NOX4: variants seen among roughly 807,000 people sequenced by gnomAD.
NOX4 encodes kidney oxidase-1.
In NOX4, 69 loss-of-function variants were observed where a neutral mutation model predicts 87.6. That is an observed-to-expected ratio of 0.79 (90% CI 0.65 to 0.96). NOX4 has a LOEUF of 0.96. Ranked by LOEUF, NOX4 falls within the 40% of genes least tolerant of loss-of-function variation. NOX4 has a pLI of 0.00. For synonymous variants in NOX4, 275 were observed against 238.2 expected, an observed-to-expected ratio of 1.15 and a Z score of -1.42; for missense variants, 680 against 681.5, an observed-to-expected ratio of 1.00 and a Z score of 0.02.
chr11:89,451,526 A>G (rs183605204), intron 3 of NOX4, among the ~76,000 whole-genome samples: 1 of 152,318 alleles, frequency 6.6e-6, no homozygotes, highest in African/African-American at 2.4e-5. Context: ...GAATCCCTGT[A>G]AGAATTGTCC....
At chr11:89,430,329 A>G in intron 7 of NOX4, among the ~76,000 whole-genome samples, 1 of 152,194 alleles carries the variant, frequency 6.6e-6, no homozygotes, top group East Asian at 1.9e-4. Flanking sequence ...CTCCTATTCA[A>G]CATAGTGTTG....
At chr11:89,548,772 A>G in the NOX4 span, 4 of 152,228 alleles carry the variant, frequency 2.6e-5, no homozygotes, top group East Asian at 7.7e-4. Flanking sequence ...TATTTTATAA[A>G]AAGATAGGTG....
intron 11 of NOX4, among the ~76,000 whole-genome samples, chr11:89,376,762 G>A (rs189927937): frequency 9.8e-4 from 149 of 152,160 alleles, no homozygotes; most frequent in African/African-American, 3.5e-3. Context: ...GGTGCCTGTG[G>A]TCCCAGATAC....
At chr11:89,461,309 T>TA (rs1945451771) in intron 2 of NOX4, among the ~76,000 whole-genome samples, 1 of 150,250 alleles carries the variant, frequency 6.7e-6, no homozygotes, top group African/African-American at 2.4e-5. Context: ...AAAGTATAAT[T>TA]AAAAAAAAGA....
intron 17 of NOX4, among the ~76,000 whole-genome samples, chr11:89,327,303 CAT>C (rs1380168474): frequency 6.6e-6 from 1 of 151,796 alleles, no homozygotes; most frequent in African/African-American, 2.4e-5. Flanking sequence ...ACACTTTACA[CAT>C]AGTTATCTAA....
intron 11 of NOX4, among the ~76,000 whole-genome samples, chr11:89,393,983 T>A (rs1480409128): frequency 6.6e-6 from 1 of 152,168 alleles, no homozygotes; most frequent in Non-Finnish European, 1.5e-5. Flanking sequence ...CCTCTTCCTT[T>A]TCTTCCCATC....
the NOX4 span, among the ~76,000 whole-genome samples, chr11:89,532,832 G>A: frequency 6.6e-6 from 1 of 152,092 alleles, no homozygotes; most frequent in Non-Finnish European, 1.5e-5. Flanking sequence ...ACGTTCTCAT[G>A]ATACTGAGTT....
intron 7 of NOX4, among the ~76,000 whole-genome samples, chr11:89,427,809 A>G (rs1011922389): frequency 6.6e-6 from 1 of 152,248 alleles, no homozygotes; most frequent in Non-Finnish European, 1.5e-5. Flanking sequence ...GATATTATCC[A>G]GGAGAACTTC....
At chr11:89,360,091 C>A (rs1284771487) in intron 12 of NOX4, among the ~76,000 whole-genome samples, 1 of 151,848 alleles carries the variant, frequency 6.6e-6, no homozygotes, top group East Asian at 1.9e-4. Flanking sequence ...AGTTATATTG[C>A]AAGGAATCAG....
chr11:89,370,226 C>A (rs999309221), intron 12 of NOX4, among the ~76,000 whole-genome samples: 6 of 151,950 alleles, frequency 3.9e-5, no homozygotes, highest in African/African-American at 1.4e-4. Context: ...TTCCAGTAGA[C>A]AACATGGGAA....
chr11:89,486,535 T>C (rs1432422962), intron 2 of NOX4, among the ~76,000 whole-genome samples: 1 of 139,206 alleles, frequency 7.2e-6, no homozygotes, highest in Admixed American at 7.6e-5. Flanking sequence ...TATGTGTATA[T>C]ATACATATAT....
chr11:89,360,879 C>A (rs1216155175), intron 12 of NOX4, among the ~76,000 whole-genome samples: 2 of 151,910 alleles, frequency 1.3e-5, no homozygotes, highest in Non-Finnish European at 1.5e-5. Flanking sequence ...CAGGGAAATG[C>A]AAATTAAAAT....
the NOX4 span, among the ~76,000 whole-genome samples, chr11:89,550,217 G>T: frequency 6.8e-6 from 1 of 147,892 alleles, no homozygotes; most frequent in African/African-American, 2.5e-5. Flanking sequence ...ACAGAGTCTT[G>T]CTCTGTTGCC....
the NOX4 span, among the ~76,000 whole-genome samples, chr11:89,580,298 C>T: frequency 2.0e-4 from 30 of 152,222 alleles, no homozygotes; most frequent in Admixed American, 5.2e-4. Context: ...GATCCTCCTA[C>T]CTCATCGTCC....
intron 12 of NOX4, among the ~76,000 whole-genome samples, chr11:89,358,323 T>C (rs1483250046): frequency 6.9e-6 from 1 of 145,738 alleles, no homozygotes; most frequent in African/African-American, 2.6e-5. Context: ...GAGGCAGAGG[T>C]TGCAGTGAGC....
At chr11:89,349,130 T>C (rs1946340079) in intron 13 of NOX4, among the ~76,000 whole-genome samples, 1 of 151,668 alleles carries the variant, frequency 6.6e-6, no homozygotes, top group South Asian at 2.1e-4. Flanking sequence ...CTATTAAAAA[T>C]ACAAAAATTA....
chr11:89,561,466 G>A, the NOX4 span, among the ~76,000 whole-genome samples: 15 of 152,198 alleles, frequency 9.9e-5, no homozygotes, highest in South Asian at 4.2e-4. Flanking sequence ...CAGCGCTGCT[G>A]TGATGACTGG....
intron 2 of NOX4, among the ~76,000 whole-genome samples, chr11:89,459,989 C>A (rs1393980731): frequency 6.6e-6 from 1 of 151,972 alleles, no homozygotes; most frequent in Non-Finnish European, 1.5e-5. Flanking sequence ...CAGAACAGAG[C>A]CCTCAGAAAT....
At chr11:89,539,425 CT>C in the NOX4 span, among the ~76,000 whole-genome samples, 1 of 151,428 alleles carries the variant, frequency 6.6e-6, no homozygotes. Context: ...GAGCAAGACT[CT>C]GTCTCAAAAA....
Sources: allele counts gnomAD v4.1 joint callset (sites outside exome capture counted in the v4.1 genomes callset), GRCh38; gene constraint gnomAD v4.1.1; transcripts MANE v1.5; gene names NCBI Gene and HGNC (gene_info 2026-07-23, HGNC 2026-07-21).